Variants in PIP observed in about 807,000 individuals in gnomAD.
PIP encodes the protein prolactin induced protein, also known as prolactin-inducible protein.
PIP carries 9 observed loss-of-function variants against 12.8 expected under a neutral mutation model. That is an observed-to-expected ratio of 0.70 (90% CI 0.42 to 1.23). The LOEUF (loss-of-function observed/expected upper bound fraction) is 1.23. Ranked by LOEUF, PIP falls within the 50% of genes most tolerant of loss-of-function variation. The probability of loss-of-function intolerance (pLI) is 0.00; values close to 1 mark genes in which losing one functional copy is unlikely to be tolerated. For missense variants in PIP, 172 were observed against 179.5 expected (o/e 0.96, Z 0.24); for synonymous variants, 60 against 66.1 (o/e 0.91, Z 0.45).
chr7:143,136,413 T>G (rs1337863494), intron 2 of PIP, among the ~76,000 whole-genome samples: 1 of 152,116 alleles, frequency 6.6e-6, no homozygotes, highest in Admixed American at 6.6e-5. Context: ...TTCAGTCAAC[T>G]GCATTCTAGA....
chr7:143,134,212 ATATATATATATATATATAT>A (rs1799276733), intron 1 of PIP, among the ~76,000 whole-genome samples: 4 of 129,428 alleles, frequency 3.1e-5, no homozygotes, highest in African/African-American at 1.2e-4. Flanking sequence ...ATATATATAT[ATATATATATATATATATAT>A]ATACCACAGT....
At chr7:143,132,502 C>A (rs1416200861) in intron 1 of PIP, among the ~76,000 whole-genome samples, 1 of 152,102 alleles carries the variant, frequency 6.6e-6, no homozygotes, top group Non-Finnish European at 1.5e-5. Context: ...TGATCCACAT[C>A]TTGTTCATAA....
Sources: allele counts gnomAD v4.1 joint callset (sites outside exome capture counted in the v4.1 genomes callset), GRCh38; gene constraint gnomAD v4.1.1; transcripts MANE v1.5; gene names NCBI Gene and HGNC (gene_info 2026-07-23, HGNC 2026-07-21).